The following RBFOX1 variants were observed in gnomAD, a reference collection of about 807,000 sequenced individuals.
The protein encoded by RBFOX1 is RNA binding protein fox-1 homolog 1.
A neutral mutation model predicts 57.7 loss-of-function variants in RBFOX1; 8 were observed. The observed-to-expected ratio is 0.14, with a 90% confidence interval of 0.08 to 0.25. The LOEUF is 0.25. RBFOX1 is among the 10% of genes least tolerant of loss of function. The pLI, the probability that RBFOX1 is intolerant of heterozygous loss-of-function variation, is 1.00. For missense variants in RBFOX1, 611 were observed against 548.5 expected (o/e 1.11, Z -1.14); for synonymous variants, 326 against 222.4 (o/e 1.47, Z -4.15).
intron 2 of RBFOX1, among the ~76,000 whole-genome samples, chr16:6,539,937 T>C (rs1051576840): frequency 1.3e-5 from 2 of 152,172 alleles, no homozygotes; most frequent in Admixed American, 1.3e-4. Context: ...TTAAATGGTT[T>C]TCCCCACAGA....
chr16:6,850,385 G>C (rs959378776), intron 3 of RBFOX1, among the ~76,000 whole-genome samples: 2 of 152,160 alleles, frequency 1.3e-5, no homozygotes, highest in African/African-American at 4.8e-5. Context: ...ACTTAGGTAG[G>C]TTGGTCCTGG....
chr16:6,554,741 CACACACACACACACACAG>C (rs940867878), intron 2 of RBFOX1, among the ~76,000 whole-genome samples: 2 of 150,874 alleles, frequency 1.3e-5, no homozygotes, highest in African/African-American at 4.9e-5. Flanking sequence ...CACACACACA[CACACACACACACACACAG>C]ACACACACAC....
At chr16:5,254,686 G>A (rs915904751) in intron 1 of RBFOX1, among the ~76,000 whole-genome samples, 9 of 152,120 alleles carry the variant, frequency 5.9e-5, no homozygotes, top group African/African-American at 1.9e-4. Context: ...GCTTGTTCTG[G>A]ATTTTGTCAA....
chr16:7,373,323 C>G (rs1165029699), intron 4 of RBFOX1, among the ~76,000 whole-genome samples: 1 of 152,086 alleles, frequency 6.6e-6, no homozygotes, highest in Non-Finnish European at 1.5e-5. Flanking sequence ...ACATAAAGAT[C>G]ACAATACATG....
intron 3 of RBFOX1, among the ~76,000 whole-genome samples, chr16:5,644,113 C>G (rs1348680303): frequency 1.3e-5 from 2 of 152,166 alleles, no homozygotes; most frequent in African/African-American, 4.8e-5. Context: ...ACCAAATTAG[C>G]AATTCATAAA....
chr16:5,318,132 T>A (rs34646166), intron 1 of RBFOX1, among the ~76,000 whole-genome samples: 18,064 of 151,864 alleles, frequency 0.12, 1,108 homozygotes, highest in Middle Eastern at 0.17. Context: ...ACTGTTTTTT[T>A]TTATTATTAT....
intron 2 of RBFOX1, among the ~76,000 whole-genome samples, chr16:5,513,767 C>T (rs989747692): frequency 1.3e-5 from 2 of 152,052 alleles, no homozygotes; most frequent in Non-Finnish European, 2.9e-5. Flanking sequence ...GTGCCAGATT[C>T]ATCTGGGCCC....
At chr16:6,489,678 A>C (rs547709276) in intron 2 of RBFOX1, among the ~76,000 whole-genome samples, 3 of 152,266 alleles carry the variant, frequency 2.0e-5, no homozygotes, top group African/African-American at 7.2e-5. Context: ...CTTGATGAGG[A>C]AAACGGACTT....
intron 4 of RBFOX1, among the ~76,000 whole-genome samples, chr16:7,426,689 A>G (rs1209961549): frequency 6.6e-6 from 1 of 152,176 alleles, no homozygotes; most frequent in Non-Finnish European, 1.5e-5. Flanking sequence ...GATGCGTTGC[A>G]TATTTTATCT....
intron 3 of RBFOX1, among the ~76,000 whole-genome samples, chr16:5,720,139 T>C (rs944368831): frequency 2.6e-5 from 4 of 152,204 alleles, no homozygotes; most frequent in African/African-American, 9.7e-5. Flanking sequence ...TAGTATCTCA[T>C]TGTGGTTTTG....
chr16:5,445,187 G>C (rs1371457908), intron 1 of RBFOX1, among the ~76,000 whole-genome samples: 3 of 152,216 alleles, frequency 2.0e-5, no homozygotes, highest in African/African-American at 4.8e-5. Context: ...TGGTAGCTTA[G>C]ACCAGAGTGA....
chr16:6,635,438 C>T (rs1305669513), intron 2 of RBFOX1, among the ~76,000 whole-genome samples: 1 of 151,928 alleles, frequency 6.6e-6, no homozygotes, highest in East Asian at 1.9e-4. Flanking sequence ...AAGGAACAGT[C>T]AAATCTGGAT....
chr16:6,947,326 C>G (rs115182813), intron 3 of RBFOX1, among the ~76,000 whole-genome samples: 579 of 152,236 alleles, frequency 3.8e-3, no homozygotes, highest in African/African-American at 0.013. Flanking sequence ...ATTTAACAGT[C>G]TTTAAGAGAT....
At chr16:5,632,004 G>T (rs764170253) in intron 3 of RBFOX1, among the ~76,000 whole-genome samples, 1 of 152,140 alleles carries the variant, frequency 6.6e-6, no homozygotes, top group Non-Finnish European at 1.5e-5. Flanking sequence ...TCCGTCTAAA[G>T]ATCTCACAGG....
At chr16:6,678,093 A>G (rs960728597) in intron 3 of RBFOX1, among the ~76,000 whole-genome samples, 1 of 152,230 alleles carries the variant, frequency 6.6e-6, no homozygotes, top group Non-Finnish European at 1.5e-5. Flanking sequence ...AAGTATTCTC[A>G]TCATCTACTT....
intron 1 of RBFOX1, among the ~76,000 whole-genome samples, chr16:6,229,540 A>T (rs1240519684): frequency 1.3e-5 from 2 of 152,242 alleles, no homozygotes; most frequent in Non-Finnish European, 2.9e-5. Flanking sequence ...TGAGCCGCTC[A>T]TAAAAAGAGA....
intron 3 of RBFOX1, among the ~76,000 whole-genome samples, chr16:6,828,966 A>T (rs941908636): frequency 4.0e-5 from 6 of 151,002 alleles, no homozygotes; most frequent in African/African-American, 1.5e-4. Context: ...TTGAGTGTGT[A>T]CTTTTCCCGT....
At chr16:7,265,005 A>G (rs2095071774) in intron 4 of RBFOX1, among the ~76,000 whole-genome samples, 1 of 152,220 alleles carries the variant, frequency 6.6e-6, no homozygotes, top group African/African-American at 2.4e-5. Flanking sequence ...CGGTTTTCAA[A>G]CCATAGGCTC....
At chr16:6,905,013 T>TA (rs960747635) in intron 3 of RBFOX1, among the ~76,000 whole-genome samples, 1 of 152,126 alleles carries the variant, frequency 6.6e-6, no homozygotes, top group African/African-American at 2.4e-5. Context: ...GTTAGCATGG[T>TA]AAAAGAGTTA....
Sources: gnomAD v4.1 joint callset for allele counts (sites outside exome capture counted in the v4.1 genomes callset) on GRCh38, gnomAD v4.1.1 for gene constraint, MANE v1.5 for transcripts, NCBI Gene and HGNC (gene_info 2026-07-23, HGNC 2026-07-21) for gene names.